Variants in MTMR7 observed in about 807,000 individuals in gnomAD.
The protein encoded by MTMR7 is myotubularin related protein 7.
A neutral mutation model predicts 81.2 loss-of-function variants in MTMR7; 76 were observed. The ratio of observed to expected loss-of-function variants is 0.94; its 90% confidence interval spans 0.78 to 1.13. MTMR7 has a LOEUF of 1.13. Among genes scored for constraint, MTMR7 ranks in the 50% most tolerant of loss-of-function variants. The pLI is 0.00. For synonymous variants in MTMR7, 372 were observed against 289.8 expected, an observed-to-expected ratio of 1.28 and a Z score of -2.88; for missense variants, 1,044 against 820.0, an observed-to-expected ratio of 1.27 and a Z score of -3.34.
intron 1 of MTMR7, among the ~76,000 whole-genome samples, chr8:17,410,141 C>CA (rs11459206): frequency 0.093 from 13,991 of 150,682 alleles, 713 homozygotes; most frequent in Middle Eastern, 0.16. Flanking sequence ...TAGAAAAGAG[C>CA]AAAAAAAAAT....
intron 1 of MTMR7, among the ~76,000 whole-genome samples, chr8:17,388,804 G>T (rs1821020056): frequency 6.6e-6 from 1 of 152,108 alleles, no homozygotes; most frequent in Non-Finnish European, 1.5e-5. Context: ...GAGGACAAAG[G>T]GGTACACTCT....
chr8:17,333,824 A>C (rs1819132361), intron 6 of MTMR7, among the ~76,000 whole-genome samples: 1 of 152,104 alleles, frequency 6.6e-6, no homozygotes, highest in African/African-American at 2.4e-5. Flanking sequence ...ACTCCAGCCT[A>C]GGTGACAGAG....
intron 7 of MTMR7, among the ~76,000 whole-genome samples, chr8:17,324,466 C>A (rs991808460): frequency 2.0e-5 from 3 of 152,218 alleles, no homozygotes; most frequent in African/African-American, 4.8e-5. Context: ...ATCCATTCCA[C>A]CGCACATGCA....
Position 17,323,149 on chromosome 8 carries a change from T to C in MTMR7, c.865+8001A>G, listed in dbSNP as rs184417637. On this transcript the variant is annotated intron_variant, in intron 7 of 13. Transcript: ENST00000180173. ...TTTCAGTAGAGATGGGGTTTCACCATGTCGGACAGCAGGTCTCAAACTCCT... is the reference window on the plus strand; with the variant it reads ...TTTCAGTAGAGATGGGGTTTCACCACGTCGGACAGCAGGTCTCAAACTCCT... Among the ~76,000 whole-genome samples the C allele has an allele frequency of 5.3e-5, 8 of 151,880 alleles. No homozygotes were observed. The East Asian group carries it at 1.6e-3, about 30-fold the overall frequency.
At chr8:17,318,250 C>T (rs147685314) in intron 7 of MTMR7, among the ~76,000 whole-genome samples, 7 of 152,054 alleles carry the variant, frequency 4.6e-5, no homozygotes, top group Non-Finnish European at 8.8e-5. Context: ...TTATCATGCT[C>T]GGGCTGGGAA....
In MTMR7 at chr8:17,297,810, A is replaced by G. The variant is rs1306580386; in HGVS notation, c.*2052T>C. 1 of 151,824 alleles carries G rather than the reference A, an allele frequency of 6.6e-6. No homozygotes were observed. Among genetic ancestry groups the G allele is most frequent in the Non-Finnish European group, 1.5e-5 (1 of 67,882 alleles). 9.4% of individuals were successfully genotyped at this position (151,824 alleles called of 1,614,324 possible). ...ACAGTAAAGTTTTAATAAGCAATAA[A>G]TGTAACCTTTTATATAAATCTCAGT... On this transcript the variant is annotated 3_prime_UTR_variant, in exon 14 of 14. Transcript: ENST00000180173.
intron 6 of MTMR7, among the ~76,000 whole-genome samples, chr8:17,335,896 C>G (rs1819221247): frequency 6.6e-6 from 1 of 152,212 alleles, no homozygotes; most frequent in South Asian, 2.1e-4. Context: ...CGCCGCCTTA[C>G]AGGCTGTGTG....
At chr8:17,338,612 A>AT (rs1322513844) in intron 6 of MTMR7, 1 of 152,218 alleles carries the variant, frequency 6.6e-6, no homozygotes, top group Non-Finnish European at 1.5e-5. Flanking sequence ...AGGCAGTCAC[A>AT]TTAGAAGGAA....
At chr8:17,412,650 T>G (rs1469908310) in intron 1 of MTMR7, among the ~76,000 whole-genome samples, 2 of 152,190 alleles carry the variant, frequency 1.3e-5, no homozygotes, top group Non-Finnish European at 2.9e-5. Flanking sequence ...ATCCGTAAGC[T>G]GCATCCTTTT....
At chr8:17,355,685 G>A (rs569266149) in intron 4 of MTMR7, among the ~76,000 whole-genome samples, 1 of 152,110 alleles carries the variant, frequency 6.6e-6, no homozygotes, top group South Asian at 2.1e-4. Context: ...CAAGATATCT[G>A]CAAGAGCTAT....
chr8:17,315,651 C>T (rs1309050505), intron 7 of MTMR7, among the ~76,000 whole-genome samples: 2 of 152,016 alleles, frequency 1.3e-5, no homozygotes, highest in Non-Finnish European at 2.9e-5. Flanking sequence ...TCTTTAAAAA[C>T]ATGATAATGT....
rs145827142 is a variant in MTMR7 at position 17,363,363 on chromosome 8, T to C, written c.311-2089A>G. Among the ~76,000 whole-genome samples, 38 of 152,320 alleles carry C rather than the reference T, an allele frequency of 2.5e-4. No homozygotes were observed. In the South Asian group the frequency reaches 6.0e-3, roughly 24 times the overall value. ...AGAAGAGCTACTGAATATGGGGTAA[T>C]AATGGCAGTTAAGTTCTCTTTGTTA... On this transcript the variant is annotated intron_variant, in intron 3 of 13. Coordinates refer to ENST00000180173, the MANE Select transcript of MTMR7 (RefSeq NM_004686.5).
At position 17,300,230 on chromosome 8, in the gene MTMR7, A is replaced by G; in HGVS notation, c.1621-6T>C. The G allele has an allele frequency of 6.3e-7, 1 of 1,595,524 alleles. No individual in the cohort carries two copies. The highest frequency in any genetic ancestry group is 8.5e-7 in the Non-Finnish European group (1 of 1,171,594). ...TTTTGAATTTTTTCCAGCCTCTAAG[A>G]AAGAAATAACAATTTCAGGGGAAAA... On this transcript the variant is annotated splice_region_variant and splice_polypyrimidine_tract_variant and intron_variant, in intron 13 of 13. Transcript: ENST00000180173.
chr8:17,328,025 T>A (rs536971008), intron 7 of MTMR7, among the ~76,000 whole-genome samples: 1 of 152,200 alleles, frequency 6.6e-6, no homozygotes, highest in African/African-American at 2.4e-5. Context: ...AATGAATACA[T>A]TGATGAATAA....
At position 17,405,747 on chromosome 8, in the gene MTMR7, TA is replaced by T. The variant is rs1294613407; in HGVS notation, c.24+7521del. 6.0e-5 allele frequency among the ~76,000 whole-genome samples: 9 copies of T among 150,872 alleles called. No homozygotes were observed. The East Asian group carries it at 1.2e-3, about 20-fold the overall frequency. On this transcript the variant is annotated intron_variant, in intron 1 of 13. Coordinates refer to ENST00000180173, the MANE Select transcript of MTMR7 (RefSeq NM_004686.5). ...ATCATCATAATGTGGACTATGTGGT[TA>T]AAAAAAAAATCACTTTTCAGAAGGT...
At chr8:17,375,843 A>C (rs1334230466) in intron 1 of MTMR7, among the ~76,000 whole-genome samples, 1 of 152,206 alleles carries the variant, frequency 6.6e-6, no homozygotes, top group Admixed American at 6.5e-5. Flanking sequence ...AGTAACTATA[A>C]ATAGCATGGA....
intron 4 of MTMR7, 92 bp downstream of exon 4, chr8:17,361,025 A>G (rs1820043731): frequency 7.1e-7 from 1 of 1,401,620 alleles, no homozygotes; most frequent in Non-Finnish European, 9.9e-7. Flanking sequence ...ACAAAGAGCT[A>G]TAAAACCTGA....
At chr8:17,337,296 T>A (rs563688935) in intron 6 of MTMR7, among the ~76,000 whole-genome samples, 2 of 141,056 alleles carry the variant, frequency 1.4e-5, no homozygotes, top group South Asian at 4.4e-4. Context: ...ACCCGGGAGA[T>A]GGAGGTTGCA....
chr8:17,402,345 T>C (rs1172631479), intron 1 of MTMR7, among the ~76,000 whole-genome samples: 1 of 152,182 alleles, frequency 6.6e-6, no homozygotes, highest in African/African-American at 2.4e-5. Flanking sequence ...TCTTACTCAT[T>C]CTTTCTAACT....
Sources: allele counts gnomAD v4.1 joint callset (sites outside exome capture counted in the v4.1 genomes callset), GRCh38; gene constraint gnomAD v4.1.1; transcripts MANE v1.5; gene names NCBI Gene and HGNC (gene_info 2026-07-23, HGNC 2026-07-21).